The following ITSN2 variants were observed in gnomAD, a reference collection of about 807,000 sequenced individuals.
The protein encoded by ITSN2 is intersectin-2.
ITSN2 carries 156 observed loss-of-function variants against 243.7 expected under a neutral mutation model. The observed-to-expected ratio is 0.64, with a 90% CI of 0.56 to 0.73. ITSN2 has a LOEUF of 0.73. ITSN2 is among the 30% of genes least tolerant of loss of function. The pLI is 0.00. For synonymous variants in ITSN2, 703 were observed against 699.9 expected, an observed-to-expected ratio of 1.00 and a Z score of -0.07; for missense variants, 1,801 against 1,996.1, an observed-to-expected ratio of 0.90 and a Z score of 1.86.
chr2:24,274,916 T>G (rs991085217), intron 18 of ITSN2, among the ~76,000 whole-genome samples: 7 of 152,222 alleles, frequency 4.6e-5, no homozygotes, highest in African/African-American at 1.4e-4. Context: ...AAGAGAAGAA[T>G]GTATTAGAAA....
chr2:24,237,526 C>G (rs1286479223), intron 29 of ITSN2, among the ~76,000 whole-genome samples: 1 of 152,098 alleles, frequency 6.6e-6, no homozygotes, highest in Non-Finnish European at 1.5e-5. Flanking sequence ...CTGATGTTGT[C>G]TATCTTATCT....
intron 1 of ITSN2, among the ~76,000 whole-genome samples, chr2:24,328,917 T>C (rs1262293112): frequency 2.6e-5 from 4 of 152,194 alleles, no homozygotes; most frequent in African/African-American, 4.8e-5. Context: ...CATAACTAAA[T>C]GTGCTGGGCA....
chr2:24,266,060 T>C (rs1277771196), intron 20 of ITSN2, among the ~76,000 whole-genome samples: 1 of 152,224 alleles, frequency 6.6e-6, no homozygotes, highest in African/African-American at 2.4e-5. Flanking sequence ...GAAGGCGCTT[T>C]GGAAACTGTA....
At chr2:24,287,531 AT>A (rs571868727) in intron 15 of ITSN2, among the ~76,000 whole-genome samples, 2,368 of 152,208 alleles carry the variant, frequency 0.016, 23 homozygotes, top group Non-Finnish European at 0.022. Context: ...TGAGACAGTA[AT>A]TTTGTTTCCT....
In ITSN2 at chr2:24,261,178, A is replaced by G. The variant is rs1675798956; in HGVS notation, c.2610T>C (p.Asn870=). The G allele has an allele frequency of 6.2e-7, 1 of 1,613,176 alleles. No homozygotes were observed. Among genetic ancestry groups the G allele is most frequent in the African/African-American group, 1.3e-5 (1 of 74,914 alleles). The change falls in exon 22 of 40, where the codon AAT becomes AAC. Residue 870 remains asparagine (N), a synonymous_variant. Transcript: ENST00000355123. ...AGGCTGATTTTTTCTGCCATGATGT[A>G]TTTACAGTTAGGTTTGAAAAAGATA... The part of the protein sequence containing the change: ...QNVSFSNLTV[N]TSWQKKSAFT...
At position 24,286,262 on chromosome 2, in the gene ITSN2, C is replaced by T; in HGVS notation, c.1813G>A (p.Glu605Lys). 6.2e-7 allele frequency: 1 copy of T among 1,603,976 alleles called. No homozygotes were observed. The highest frequency in any genetic ancestry group is 1.1e-5 in the South Asian group (1 of 90,582). Residue 605 changes from glutamate (E) to lysine (K), a missense_variant, in exon 16 of 40, where the codon GAA becomes AAA. Around this residue, in one of 5 missense-constraint regions of ITSN2, gnomAD observed 787 missense variants for 803.9 expected, o/e 0.98. Transcript: ENST00000355123. ...ATTTCTGACAGCTTAGATGCAGTTT[C>T]TTTTTCAAGAGCATCTAACTGTTCT... Reference protein sequence around the residue: ...LKEQLDALEKETASKLSEMDS... With the variant: ...LKEQLDALEKKTASKLSEMDS...
chr2:24,224,070 G>GAGC (rs386389719), intron 29 of ITSN2, among the ~76,000 whole-genome samples: 1 of 151,670 alleles, frequency 6.6e-6, no homozygotes, highest in African/African-American at 2.4e-5. Context: ...GTGGAGCAAG[G>GAGC]AGAGGCTTGG....
chr2:24,290,747 C>T (rs757624152), intron 15 of ITSN2, among the ~76,000 whole-genome samples: 8 of 152,154 alleles, frequency 5.3e-5, no homozygotes, highest in Non-Finnish European at 1.2e-4. Flanking sequence ...TGTTAAGTGC[C>T]AACTTTATCT....
chr2:24,274,535 C>T (rs1402006146), intron 18 of ITSN2, among the ~76,000 whole-genome samples: 1 of 152,158 alleles, frequency 6.6e-6, no homozygotes, highest in Non-Finnish European at 1.5e-5. Context: ...GATCATACCA[C>T]TGCAATCCAG....
intron 32 of ITSN2, among the ~76,000 whole-genome samples, chr2:24,213,822 C>T (rs781540240): frequency 4.6e-5 from 7 of 152,144 alleles, no homozygotes; most frequent in Admixed American, 3.9e-4. Flanking sequence ...CAGTTCATTT[C>T]GAGGCAACTC....
chr2:24,328,047 C>T lies in ITSN2; in HGVS notation c.31+5G>A. 6.2e-7 allele frequency: 1 copy of T among 1,612,742 alleles called. No individual in the cohort carries two copies. The highest frequency in any genetic ancestry group is 1.1e-5 in the South Asian group (1 of 90,902). On this transcript the variant is annotated splice_donor_5th_base_variant and intron_variant, in intron 2 of 39. Coordinates refer to ENST00000355123, the MANE Select transcript of ITSN2 (RefSeq NM_006277.3). ...TCATCTTGCCACAAGCACAAAGCTGCTTACCATTCATAGCTGTGGGAAACT... is the reference window on the plus strand; with the variant it reads ...TCATCTTGCCACAAGCACAAAGCTGTTTACCATTCATAGCTGTGGGAAACT...
intron 1 of ITSN2, among the ~76,000 whole-genome samples, chr2:24,357,840 C>T (rs577758661): frequency 8.9e-4 from 136 of 152,284 alleles, no homozygotes; most frequent in African/African-American, 3.2e-3. Context: ...TGTAAAAATG[C>T]TACTTAATGG....
chr2:24,315,254 T>G lies in ITSN2; in HGVS notation c.32-30A>C, dbSNP rs758404781. 1.2e-5 allele frequency: 15 copies of G among 1,219,380 alleles called. No individual in the cohort carries two copies. The East Asian group carries it at 3.5e-4, about 29-fold the overall frequency. 75.5% of individuals were successfully genotyped at this position (1,219,380 alleles called of 1,614,324 possible). On this transcript the variant is annotated intron_variant, in intron 2 of 39. Transcript: ENST00000355123. ...AACATAAGTGGAAGAAACTATAGTG[T>G]ATACATGAGAATGCTTAAAATACAA...
Position 24,252,331 on chromosome 2 carries a change from T to C in ITSN2, c.3120+14A>G. 2 of 1,585,712 alleles carry C rather than the reference T, an allele frequency of 1.3e-6. No homozygotes were observed. The highest frequency in any genetic ancestry group is 1.7e-6 in the Non-Finnish European group (2 of 1,157,894). On this transcript the variant is annotated intron_variant, in intron 25 of 39. Transcript: ENST00000355123. The stretch of plus-strand genomic sequence containing the variant: ...CTGATTAACCAGAATGGGTTGATTT[T>C]AATATCAAAATACCTCTTGATCCTT...
chr2:24,216,329 G>A, intron 31 of ITSN2, 97 bp from the exon 32 acceptor site: 1 of 1,001,910 alleles, frequency 1.0e-6, no homozygotes, highest in Non-Finnish European at 1.4e-6. Context: ...GATAACCAGT[G>A]AGCTACCTAA....
rs372343961 is a variant in ITSN2 at position 24,282,069 on chromosome 2, T to C, written c.1944+2694A>G. 3.9e-5 allele frequency among the ~76,000 whole-genome samples: 6 copies of C among 152,232 alleles called. No individual in the cohort carries two copies. In the East Asian group the frequency reaches 9.7e-4, roughly 25 times the overall value. The stretch of plus-strand genomic sequence containing the variant: ...TCGGGCCTATGCCCATGAACCTAGG[T>C]GAGGACAGGCACTCCTGCCTTTGCA... On this transcript the variant is annotated intron_variant, in intron 17 of 39. Coordinates refer to ENST00000355123, the MANE Select transcript of ITSN2 (RefSeq NM_006277.3).
chr2:24,208,953 G>A (rs149025568), intron 36 of ITSN2, 147 bp downstream of exon 36: 36 of 808,870 alleles, frequency 4.5e-5, no homozygotes, highest in Non-Finnish European at 6.5e-5. Flanking sequence ...GCCTACCATG[G>A]GACTGGAGCA....
chr2:24,263,231 C>T (rs1431987842), intron 20 of ITSN2, among the ~76,000 whole-genome samples: 4 of 151,806 alleles, frequency 2.6e-5, no homozygotes, highest in East Asian at 1.9e-4. Flanking sequence ...TCCATTTGTC[C>T]GTGAGCTTTA....
rs536862605 is a variant in ITSN2, at chr2:24,319,325, A to T, written c.32-4101T>A. Among the ~76,000 whole-genome samples, 88 of 152,280 alleles carry T rather than the reference A, an allele frequency of 5.8e-4. No individual in the cohort carries two copies. The Middle Eastern group carries it at 0.01, about 18-fold the overall frequency. ...CGCCTTAGACCCCAGGAGGTATGGTATTAAGAGAGGAATTAATGATATTTT... is the reference window on the plus strand; with the variant it reads ...CGCCTTAGACCCCAGGAGGTATGGTTTTAAGAGAGGAATTAATGATATTTT... On this transcript the variant is annotated intron_variant, in intron 2 of 39. Coordinates refer to ENST00000355123, the MANE Select transcript of ITSN2 (RefSeq NM_006277.3).
Sources: gnomAD v4.1 joint callset for allele counts (sites outside exome capture counted in the v4.1 genomes callset) on GRCh38, gnomAD v4.1.1 for gene constraint, gnomAD v4.1.1 regional missense constraint, MANE v1.5 for transcripts, NCBI Gene and HGNC (gene_info 2026-07-23, HGNC 2026-07-21) for gene names.